Variants in UGGT2 observed in about 807,000 individuals in gnomAD.
UGGT2 encodes UDP-glucose:glycoprotein glucosyltransferase 2.
In UGGT2, 180 loss-of-function variants were observed where a neutral mutation model predicts 192.1. The observed-to-expected ratio is 0.94, with a 90% confidence interval of 0.83 to 1.06. UGGT2 has a LOEUF of 1.06. Among genes scored for constraint, UGGT2 ranks in the 50% least tolerant of loss-of-function variants. The pLI is 0.00. For synonymous variants in UGGT2, 580 were observed against 591.0 expected, an observed-to-expected ratio of 0.98 and a Z score of 0.27; for missense variants, 1,849 against 1,795.7, an observed-to-expected ratio of 1.03 and a Z score of -0.54.
intron 37 of UGGT2, among the ~76,000 whole-genome samples, chr13:95,833,529 CA>C (rs1886954716): frequency 6.6e-6 from 1 of 151,864 alleles, no homozygotes; most frequent in Admixed American, 6.6e-5. Context: ...TATTCAACTG[CA>C]AAAGAAATTA....
At chr13:95,852,935 A>C (rs1254612571) in intron 36 of UGGT2, among the ~76,000 whole-genome samples, 1 of 152,176 alleles carries the variant, frequency 6.6e-6, no homozygotes, top group African/African-American at 2.4e-5. Flanking sequence ...CTGTGTCCCC[A>C]CCTAAATCTC....
At position 95,845,476 on chromosome 13, in the gene UGGT2, C is replaced by A. The variant is rs192221190; in HGVS notation, c.4284+8067G>T. On this transcript the variant is annotated intron_variant, in intron 36 of 38. Transcript: ENST00000376747. The stretch of plus-strand genomic sequence containing the variant: ...GACAAAGCACATGTTTCAGAGAGCA[C>A]GGGGTTGGGGGTAAGGTTATAGATT... Among the ~76,000 whole-genome samples the A allele has an allele frequency of 4.8e-3, 713 of 149,782 alleles. 5 individuals carry two copies. Among genetic ancestry groups the A allele is most frequent in the African/African-American group, 0.016 (653 of 40,790 alleles).
Position 96,017,028 on chromosome 13 carries a change from T to G in UGGT2, c.486-3547A>C, listed in dbSNP as rs539111439. 1.1e-3 allele frequency among the ~76,000 whole-genome samples: 160 copies of G among 152,336 alleles called. 1 individual carries two copies. The highest frequency in any genetic ancestry group is 4.1e-3 in the Admixed American group (62 of 15,306). On this transcript the variant is annotated intron_variant, in intron 4 of 38. Transcript: ENST00000376747. ...AGATTTAGTGCCTGCCTACTGTGTT[T>G]CAGACTTGCATGGGGCCTGTTACTC...
intron 10 of UGGT2, among the ~76,000 whole-genome samples, chr13:95,978,645 T>C (rs1298368037): frequency 2.6e-5 from 4 of 152,182 alleles, no homozygotes; most frequent in Non-Finnish European, 5.9e-5. Flanking sequence ...CTTCTAGCAG[T>C]TTCACAGTTT....
At chr13:95,881,030 C>A (rs866818295) in intron 27 of UGGT2, among the ~76,000 whole-genome samples, 1 of 152,032 alleles carries the variant, frequency 6.6e-6, no homozygotes. Context: ...AAGAATCAGC[C>A]GGGCGTGGCA....
At chr13:95,998,616 A>AT (rs3838907) in intron 6 of UGGT2, among the ~76,000 whole-genome samples, 8,549 of 152,270 alleles carry the variant, frequency 0.056, 357 homozygotes, top group East Asian at 0.19. Context: ...AAAGACTTCC[A>AT]TAAGTGTTCT....
At chr13:95,996,843 G>A (rs2051637942) in intron 6 of UGGT2, among the ~76,000 whole-genome samples, 1 of 152,068 alleles carries the variant, frequency 6.6e-6, no homozygotes, top group Non-Finnish European at 1.5e-5. Flanking sequence ...GGAACATTTA[G>A]AAAGACACCA....
chr13:95,881,147 C>T (rs545557427), intron 27 of UGGT2, among the ~76,000 whole-genome samples: 2 of 152,134 alleles, frequency 1.3e-5, no homozygotes, highest in Admixed American at 6.5e-5. Context: ...GCCGAGATCA[C>T]GCCACTGCAC....
At chr13:95,853,085 G>A (rs1438315446) in intron 36 of UGGT2, among the ~76,000 whole-genome samples, 1 of 152,084 alleles carries the variant, frequency 6.6e-6, no homozygotes, top group Admixed American at 6.6e-5. Context: ...TTTTAAGAGG[G>A]GCTTCCCCCT....
At chr13:95,929,149 G>C (rs1339389956) in intron 17 of UGGT2, among the ~76,000 whole-genome samples, 2 of 152,194 alleles carry the variant, frequency 1.3e-5, no homozygotes, top group Admixed American at 6.5e-5. Flanking sequence ...AGGCAGTACA[G>C]TCCAGCCTCG....
At chr13:95,809,665 G>T in intron 38 of UGGT2, 1 of 192,288 alleles carries the variant, frequency 5.2e-6, no homozygotes. Context: ...CCTTTCCGCA[G>T]CCTCAGCACA....
intron 22 of UGGT2, among the ~76,000 whole-genome samples, chr13:95,899,401 G>A (rs2048038778): frequency 6.6e-6 from 1 of 152,056 alleles, no homozygotes. Flanking sequence ...TGTGCCTTCA[G>A]AATCTAGAAG....
intron 15 of UGGT2, among the ~76,000 whole-genome samples, chr13:95,946,079 G>A (rs2049858092): frequency 6.6e-6 from 1 of 152,072 alleles, no homozygotes; most frequent in Admixed American, 6.6e-5. Context: ...TATAAGCTAT[G>A]ACTTGACTTT....
intron 38 of UGGT2, among the ~76,000 whole-genome samples, chr13:95,807,228 T>G (rs1018037586): frequency 6.6e-6 from 1 of 152,092 alleles, no homozygotes; most frequent in African/African-American, 2.4e-5. Context: ...TAAGTGCAAG[T>G]GGGTCATCAG....
At chr13:95,878,061 A>T (rs1163935522) in intron 27 of UGGT2, among the ~76,000 whole-genome samples, 1 of 151,944 alleles carries the variant, frequency 6.6e-6, no homozygotes, top group Non-Finnish European at 1.5e-5. Context: ...CTTTTTCATG[A>T]CATCAGCTTT....
intron 27 of UGGT2, among the ~76,000 whole-genome samples, chr13:95,882,176 G>A (rs1385653160): frequency 2.0e-5 from 3 of 152,136 alleles, no homozygotes; most frequent in Non-Finnish European, 4.4e-5. Context: ...CCAAAGTGCT[G>A]GGATTACAGG....
chr13:95,845,825 C>T (rs1452648012), intron 36 of UGGT2, among the ~76,000 whole-genome samples: 5 of 146,100 alleles, frequency 3.4e-5, no homozygotes, highest in East Asian at 2.2e-4. Context: ...GACGGGGTGG[C>T]GGGGTGGCGG....
In UGGT2 at chr13:96,039,233, C is replaced by G. The variant is rs771337370; in HGVS notation, c.159-7262G>C. 5.9e-4 allele frequency among the ~76,000 whole-genome samples: 72 copies of G among 121,790 alleles called. 1 individual carries two copies. The highest frequency in any genetic ancestry group is 1.3e-3 in the Non-Finnish European group (69 of 53,272). 79.9% of individuals were successfully genotyped at this position (121,790 alleles called of 152,430 possible). On this transcript the variant is annotated intron_variant, in intron 1 of 38. Coordinates refer to ENST00000376747, the MANE Select transcript of UGGT2 (RefSeq NM_020121.4). ...CAGCACAATGTTTACAGCCAAGTAG[C>G]TCTATAGTCCATTTCCTGCCTATAG...
At chr13:95,999,366 A>G (rs2140925969) in intron 5 of UGGT2, 59 bp from the exon 6 acceptor site, 3 of 1,463,576 alleles carry the variant, frequency 2.0e-6, no homozygotes, top group Admixed American at 3.4e-5. Flanking sequence ...ATTTTGTTTT[A>G]AAGTCAGTAC....
Sources: gnomAD v4.1 joint callset for allele counts (sites outside exome capture counted in the v4.1 genomes callset) on GRCh38, gnomAD v4.1.1 for gene constraint, MANE v1.5 for transcripts, NCBI Gene and HGNC (gene_info 2026-07-23, HGNC 2026-07-21) for gene names.